Variants in AGMO observed in about 807,000 individuals in gnomAD.
AGMO encodes the protein glyceryl-ether monooxygenase.
A neutral mutation model predicts 60.2 loss-of-function variants in AGMO; 75 were observed. That is an observed-to-expected ratio of 1.25 (90% CI 1.03 to 1.51). The LOEUF is 1.51. Ranked by LOEUF, AGMO falls within the 40% of genes most tolerant of loss-of-function variation. The probability of loss-of-function intolerance (pLI) is 0.00; values close to 1 mark genes in which losing one functional copy is unlikely to be tolerated. For missense variants in AGMO, 763 were observed against 525.5 expected, an observed-to-expected ratio of 1.45 and a Z score of -4.42; for synonymous variants, 261 against 177.1, an observed-to-expected ratio of 1.47 and a Z score of -3.76.
intron 3 of AGMO, among the ~76,000 whole-genome samples, chr7:15,469,243 T>A (rs1034595468): frequency 2.0e-5 from 3 of 152,176 alleles, no homozygotes; most frequent in African/African-American, 7.2e-5. Flanking sequence ...TTTTTTTTCA[T>A]CGTCAAAAGC....
At chr7:15,322,497 A>T (rs756353026) in intron 12 of AGMO, among the ~76,000 whole-genome samples, 1,675 of 57,518 alleles carry the variant, frequency 0.029, 84 homozygotes, top group East Asian at 0.063. Flanking sequence ...AATATATATA[A>T]ATATATAAAT....
In AGMO at chr7:15,201,070, T is replaced by A. The variant is rs182789308; in HGVS notation, c.*215A>T. 3.5e-5 allele frequency: 13 copies of A among 371,878 alleles called. No homozygotes were observed. Among genetic ancestry groups the A allele is most frequent in the Non-Finnish European group, 6.2e-5 (13 of 209,238 alleles). 23.0% of individuals were successfully genotyped at this position (371,878 alleles called of 1,614,324 possible). ...CATCATTATATTTGAAATCTTTTTT[T>A]AATTGTAGTAAAGGGGGGAAGTAAC... On this transcript the variant is annotated 3_prime_UTR_variant, in exon 13 of 13. Transcript: ENST00000342526.
intron 12 of AGMO, among the ~76,000 whole-genome samples, chr7:15,316,615 C>CAA (rs951798327): frequency 6.6e-6 from 1 of 151,998 alleles, no homozygotes; most frequent in Non-Finnish European, 1.5e-5. Flanking sequence ...AATATACACA[C>CAA]ACACACACAC....
At chr7:15,547,805 G>C (rs571503555) in intron 2 of AGMO, among the ~76,000 whole-genome samples, 1 of 151,872 alleles carries the variant, frequency 6.6e-6, no homozygotes, top group Non-Finnish European at 1.5e-5. Flanking sequence ...CAACTGGGTG[G>C]AACCCACCAC....
intron 3 of AGMO, among the ~76,000 whole-genome samples, chr7:15,532,885 G>A (rs1475533493): frequency 6.6e-6 from 1 of 152,096 alleles, no homozygotes; most frequent in East Asian, 1.9e-4. Context: ...CAGCTACTCA[G>A]GAGGCTGAGG....
intron 3 of AGMO, among the ~76,000 whole-genome samples, chr7:15,529,577 G>GTA (rs1468827156): frequency 2.8e-5 from 1 of 35,258 alleles, no homozygotes; most frequent in Non-Finnish European, 6.4e-5. Context: ...TATATATAGA[G>GTA]TATATATAGT....
intron 3 of AGMO, among the ~76,000 whole-genome samples, chr7:15,447,566 T>C (rs372312479): frequency 1.0e-3 from 155 of 152,266 alleles, no homozygotes; most frequent in African/African-American, 3.4e-3. Flanking sequence ...TTTTCTTTTT[T>C]TTTAGATAGA....
Position 15,363,488 on chromosome 7 carries a change from CAAG to C in AGMO, c.1263+2023_1263+2025del, listed in dbSNP as rs543917885. On this transcript the variant is annotated intron_variant, in intron 12 of 12. Transcript: ENST00000342526. ...CTTTTACAGACGAGCAAAGCAAGACCAAGAATAGGTAAGTGGTGAAGTAATTGC... is the reference window on the plus strand; with the variant it reads ...CTTTTACAGACGAGCAAAGCAAGACCAATAGGTAAGTGGTGAAGTAATTGC... Among the ~76,000 whole-genome samples the C allele has an allele frequency of 4.6e-5, 7 of 152,180 alleles. No individual in the cohort carries two copies. The South Asian group carries it at 1.2e-3, about 27-fold the overall frequency.
At chr7:15,358,484 C>T (rs1011197303) in intron 12 of AGMO, 11 of 465,726 alleles carry the variant, frequency 2.4e-5, no homozygotes, top group Admixed American at 7.2e-5. Flanking sequence ...GTTGGTACTC[C>T]GTGATTTCAG....
At chr7:15,350,019 A>ATCC (rs1782181885) in intron 12 of AGMO, among the ~76,000 whole-genome samples, 1 of 152,148 alleles carries the variant, frequency 6.6e-6, no homozygotes, top group Non-Finnish European at 1.5e-5. Flanking sequence ...TATATCCCAC[A>ATCC]TCCAATATGG....
At chr7:15,536,848 C>T (rs1360005618) in intron 3 of AGMO, among the ~76,000 whole-genome samples, 3 of 151,870 alleles carry the variant, frequency 2.0e-5, no homozygotes, top group South Asian at 2.1e-4. Context: ...TATATGGTAA[C>T]GCTAAATTTA....
At chr7:15,426,917 A>G (rs543630933) in intron 4 of AGMO, among the ~76,000 whole-genome samples, 1 of 152,260 alleles carries the variant, frequency 6.6e-6, no homozygotes, top group African/African-American at 2.4e-5. Flanking sequence ...GGTGTGTGGA[A>G]GATGAAACTG....
chr7:15,495,849 C>G (rs999759037), intron 3 of AGMO, among the ~76,000 whole-genome samples: 22 of 99,534 alleles, frequency 2.2e-4, no homozygotes, highest in Non-Finnish European at 4.8e-4. Context: ...TCTCCTCTCT[C>G]TCTCCTCTCT....
chr7:15,495,532 A>G (rs978017798), intron 3 of AGMO, among the ~76,000 whole-genome samples: 4 of 152,200 alleles, frequency 2.6e-5, no homozygotes, highest in Non-Finnish European at 5.9e-5. Flanking sequence ...AGTAACTAGC[A>G]GGGAAAGTGT....
chr7:15,491,422 A>C (rs1441289106), intron 3 of AGMO, among the ~76,000 whole-genome samples: 1 of 152,122 alleles, frequency 6.6e-6, no homozygotes, highest in Non-Finnish European at 1.5e-5. Context: ...CCATTAGTTG[A>C]GATTGGAAAT....
the AGMO span, among the ~76,000 whole-genome samples, chr7:15,183,413 C>A: frequency 6.6e-6 from 1 of 152,100 alleles, no homozygotes; most frequent in Admixed American, 6.6e-5. Flanking sequence ...TATTCTGATA[C>A]AATTTACAAT....
At chr7:15,552,312 T>A (rs1784988601) in intron 2 of AGMO, among the ~76,000 whole-genome samples, 1 of 152,076 alleles carries the variant, frequency 6.6e-6, no homozygotes, top group African/African-American at 2.4e-5. Context: ...AAGCCAAAAT[T>A]GACAAATGGG....
At chr7:15,154,456 T>C in the AGMO span, among the ~76,000 whole-genome samples, 4,701 of 152,264 alleles carry the variant, frequency 0.031, 116 homozygotes, top group Middle Eastern at 0.092. Context: ...ATTTGCTTGA[T>C]AGATCTTTCT....
chr7:15,188,651 C>A, the AGMO span, among the ~76,000 whole-genome samples: 1 of 152,098 alleles, frequency 6.6e-6, no homozygotes, highest in African/African-American at 2.4e-5. Context: ...ACATCCTGAG[C>A]ACTGAAAGGA....
Sources: allele counts gnomAD v4.1 joint callset (sites outside exome capture counted in the v4.1 genomes callset), GRCh38; gene constraint gnomAD v4.1.1; transcripts MANE v1.5; gene names NCBI Gene and HGNC (gene_info 2026-07-23, HGNC 2026-07-21).